Variants in CCBE1 observed in about 807,000 individuals in gnomAD.
CCBE1 encodes collagen and calcium binding EGF domains 1, also known as collagen and calcium-binding EGF domain-containing protein 1.
Under a neutral mutation model 50.0 loss-of-function variants are expected in CCBE1, and 37 were observed. That is an observed-to-expected ratio of 0.74 (90% confidence interval 0.57 to 0.97). CCBE1 has a LOEUF of 0.97. CCBE1 is among the 50% of genes least tolerant of loss of function. CCBE1 has a pLI of 0.00. For missense variants in CCBE1, 538 were observed against 523.8 expected (o/e 1.03, Z -0.26); for synonymous variants, 234 against 203.7 (o/e 1.15, Z -1.27).
At chr18:59,619,280 T>C (rs189203896) in intron 2 of CCBE1, among the ~76,000 whole-genome samples, 1 of 152,354 alleles carries the variant, frequency 6.6e-6, no homozygotes, top group East Asian at 1.9e-4. Flanking sequence ...GTTTTCCAAA[T>C]TGAAAGCCAG....
At chr18:59,557,975 G>C (rs983447787) in intron 2 of CCBE1, among the ~76,000 whole-genome samples, 19 of 152,228 alleles carry the variant, frequency 1.2e-4, no homozygotes, top group South Asian at 1.0e-3. Context: ...AACCACTCCT[G>C]CATTTCAAAG....
intron 2 of CCBE1, among the ~76,000 whole-genome samples, chr18:59,580,711 T>C (rs1255476310): frequency 6.6e-6 from 1 of 152,214 alleles, no homozygotes; most frequent in Non-Finnish European, 1.5e-5. Context: ...AGTTCTTTTT[T>C]CCATGGGACT....
intron 4 of CCBE1, among the ~76,000 whole-genome samples, chr18:59,469,073 G>A (rs562043920): frequency 6.6e-6 from 1 of 152,294 alleles, no homozygotes; most frequent in Admixed American, 6.5e-5. Flanking sequence ...AGCTCCCTCT[G>A]ACTTCCTCCC....
At chr18:59,512,872 A>T (rs1914193968) in intron 2 of CCBE1, among the ~76,000 whole-genome samples, 1 of 152,134 alleles carries the variant, frequency 6.6e-6, no homozygotes. Context: ...CTTACCTCCC[A>T]CTCAGAGCCC....
intron 7 of CCBE1, among the ~76,000 whole-genome samples, chr18:59,444,269 G>A (rs1910574583): frequency 6.6e-6 from 1 of 151,986 alleles, no homozygotes; most frequent in African/African-American, 2.4e-5. Flanking sequence ...TTAATTCTTT[G>A]GGGTATATTC....
chr18:59,454,756 G>T, intron 6 of CCBE1, 95 bp downstream of exon 6: 1 of 1,084,910 alleles, frequency 9.2e-7, no homozygotes, highest in Non-Finnish European at 1.4e-6. Context: ...AATGCTCAAT[G>T]TGGATATTTT....
chr18:59,448,157 G>A (rs539819167), intron 6 of CCBE1, 54 bp from the exon 7 acceptor site: 20 of 1,609,872 alleles, frequency 1.2e-5, no homozygotes, highest in Non-Finnish European at 1.5e-5. Flanking sequence ...AGAGAGCCTC[G>A]GCATTTGTCT....
intron 2 of CCBE1, among the ~76,000 whole-genome samples, chr18:59,658,867 A>G (rs1351211525): frequency 2.1e-5 from 3 of 139,568 alleles, no homozygotes; most frequent in Admixed American, 7.3e-5. Flanking sequence ...GCAACAGAGC[A>G]AGACTCTGTC....
At chr18:59,451,683 C>T (rs541617859) in intron 6 of CCBE1, among the ~76,000 whole-genome samples, 9 of 152,272 alleles carry the variant, frequency 5.9e-5, no homozygotes, top group East Asian at 3.9e-4. Flanking sequence ...GGAAACTTCA[C>T]AACACAAATA....
At position 59,441,960 on chromosome 18, in the gene CCBE1, A is replaced by C. The variant is rs146967509; in HGVS notation, c.776-2144T>G. Reference sequence around the variant, plus strand: ...GAGAATAAAGCTCTAACTCCTCAGCATAGTATCCTTGTTCATTCTTGTCTT... The same window carrying C: ...GAGAATAAAGCTCTAACTCCTCAGCCTAGTATCCTTGTTCATTCTTGTCTT... On this transcript the variant is annotated intron_variant, in intron 7 of 10. Transcript: ENST00000439986. 2.0e-5 allele frequency among the ~76,000 whole-genome samples: 3 copies of C among 152,332 alleles called. No individual in the cohort carries two copies. In the East Asian group the frequency reaches 5.8e-4, roughly 29 times the overall value.
chr18:59,453,886 G>A (rs965933608), intron 6 of CCBE1, among the ~76,000 whole-genome samples: 1 of 152,186 alleles, frequency 6.6e-6, no homozygotes, highest in Non-Finnish European at 1.5e-5. Flanking sequence ...CAAGAAGTCA[G>A]ATTGCCAGAC....
At chr18:59,483,321 C>T (rs546364087) in intron 2 of CCBE1, among the ~76,000 whole-genome samples, 147 of 152,188 alleles carry the variant, frequency 9.7e-4, no homozygotes, top group Non-Finnish European at 1.9e-3. Context: ...GAGTAACCCT[C>T]ATCTGAAATA....
intron 2 of CCBE1, among the ~76,000 whole-genome samples, chr18:59,547,037 G>GAGAGGGGGAGAGAGGGGGAC (rs1915714393): frequency 1.1e-5 from 1 of 89,894 alleles, no homozygotes; most frequent in Non-Finnish European, 2.3e-5. Context: ...GAGAGAGAAA[G>GAGAGGGGGAGAGAGGGGGAC]AGAGGGGGAG....
At chr18:59,483,873 G>A (rs1247023010) in intron 2 of CCBE1, among the ~76,000 whole-genome samples, 1 of 152,134 alleles carries the variant, frequency 6.6e-6, no homozygotes, top group Admixed American at 6.6e-5. Flanking sequence ...GCCTGTACTG[G>A]AATTCCCAGC....
At chr18:59,493,462 G>A (rs1913204340) in intron 2 of CCBE1, among the ~76,000 whole-genome samples, 1 of 151,958 alleles carries the variant, frequency 6.6e-6, no homozygotes, top group South Asian at 2.1e-4. Context: ...GTTAAAAACT[G>A]GAAATATTAA....
chr18:59,687,227 G>A (rs763167981), intron 2 of CCBE1, among the ~76,000 whole-genome samples: 3 of 152,162 alleles, frequency 2.0e-5, no homozygotes, highest in Admixed American at 1.3e-4. Flanking sequence ...TCCAATCTTC[G>A]AGGAAATAGC....
At chr18:59,448,942 G>C (rs1910805275) in intron 6 of CCBE1, among the ~76,000 whole-genome samples, 1 of 152,154 alleles carries the variant, frequency 6.6e-6, no homozygotes, top group South Asian at 2.1e-4. Context: ...ACAACCTGCA[G>C]GTGGGTACCT....
chr18:59,659,169 G>C (rs923006687), intron 2 of CCBE1, among the ~76,000 whole-genome samples: 2 of 152,154 alleles, frequency 1.3e-5, no homozygotes, highest in African/African-American at 4.8e-5. Context: ...GACCTCCTTG[G>C]AGAAACGTTC....
rs190742896 is a variant in CCBE1, at chr18:59,467,103, C to G, written c.401-212G>C. Reference sequence around the variant, plus strand: ...CAAGTGGCCATTGTTACAGGCTGATCAGTGATGGGGTTCCTGGCTGTGGCT... The same window carrying G: ...CAAGTGGCCATTGTTACAGGCTGATGAGTGATGGGGTTCCTGGCTGTGGCT... On this transcript the variant is annotated intron_variant, in intron 4 of 10. Transcript: ENST00000439986. 1.8e-4 allele frequency among the ~76,000 whole-genome samples: 28 copies of G among 152,350 alleles called. 1 individual carries two copies. The highest frequency in any genetic ancestry group is 3.5e-4 in the Non-Finnish European group (24 of 68,044).
Sources: gnomAD v4.1 joint callset for allele counts (sites outside exome capture counted in the v4.1 genomes callset) on GRCh38, gnomAD v4.1.1 for gene constraint, MANE v1.5 for transcripts, NCBI Gene and HGNC (gene_info 2026-07-23, HGNC 2026-07-21) for gene names.